The following CDC42BPA variants were observed in gnomAD, a reference collection of about 807,000 sequenced individuals.
The protein encoded by CDC42BPA is serine/threonine-protein kinase MRCK alpha.
Under a neutral mutation model 223.5 loss-of-function variants are expected in CDC42BPA, and 80 were observed. The ratio of observed to expected loss-of-function variants is 0.36; its 90% CI spans 0.30 to 0.43. The LOEUF (loss-of-function observed/expected upper bound fraction) is 0.43. Ranked by LOEUF, CDC42BPA falls within the 20% of genes least tolerant of loss-of-function variation. CDC42BPA has a pLI of 1.00. For missense variants in CDC42BPA, 1,743 were observed against 2,099.9 expected (o/e 0.83, Z 3.32); for synonymous variants, 694 against 718.6 (o/e 0.97, Z 0.55).
chr1:227,106,168 T>C (rs1685891478), intron 14 of CDC42BPA, among the ~76,000 whole-genome samples: 1 of 152,182 alleles, frequency 6.6e-6, no homozygotes, highest in Non-Finnish European at 1.5e-5. Flanking sequence ...ATTTTGGTTT[T>C]AATTTGAATT....
intron 16 of CDC42BPA, among the ~76,000 whole-genome samples, chr1:227,081,455 TC>T (rs1031307283): frequency 1.5e-5 from 2 of 133,432 alleles, no homozygotes. Context: ...GTTCTCTCTC[TC>T]TTTTTTTTTT....
chr1:226,993,524 C>G lies in CDC42BPA; in HGVS notation c.*744G>C, dbSNP rs1462172662. On this transcript the variant is annotated 3_prime_UTR_variant, in exon 37 of 37. Transcript: ENST00000366766. Reference sequence around the variant, plus strand: ...CTAGAGCCTATGACCAGTTTGAGGACAGGGCAATAAAGGGAACTCTGATTT... The same window carrying G: ...CTAGAGCCTATGACCAGTTTGAGGAGAGGGCAATAAAGGGAACTCTGATTT... The G allele has an allele frequency of 6.6e-6, 1 of 152,582 alleles. No homozygotes were observed. The highest frequency in any genetic ancestry group is 1.5e-5 in the Non-Finnish European group (1 of 68,026). 9.5% of individuals were successfully genotyped at this position (152,582 alleles called of 1,614,324 possible). A position where few individuals can be genotyped will look rare whatever the true frequency, so the allele number is the denominator to read the frequency against.
intron 35 of CDC42BPA, among the ~76,000 whole-genome samples, chr1:226,997,199 C>T (rs1030246065): frequency 3.3e-5 from 5 of 152,082 alleles, no homozygotes; most frequent in African/African-American, 1.2e-4. Context: ...GTGTATGTGT[C>T]CAGGAATTTA....
chr1:227,041,471 G>GTT (rs1326850748), intron 23 of CDC42BPA, among the ~76,000 whole-genome samples: 1 of 151,988 alleles, frequency 6.6e-6, no homozygotes, highest in East Asian at 1.9e-4. Context: ...ATTTTAAAAG[G>GTT]TTATCAAGTA....
chr1:227,219,362 C>T (rs1395868214), intron 2 of CDC42BPA: 3 of 152,192 alleles, frequency 2.0e-5, no homozygotes, highest in Admixed American at 6.5e-5. Flanking sequence ...CAGGCAGAAG[C>T]GGTGAGCCAC....
chr1:227,042,452 G>C (rs1671568814), intron 23 of CDC42BPA, among the ~76,000 whole-genome samples: 1 of 152,056 alleles, frequency 6.6e-6, no homozygotes, highest in Admixed American at 6.6e-5. Flanking sequence ...GTAGGTGCTG[G>C]TTAAATTATA....
At chr1:227,145,352 C>T (rs1558606030) in intron 8 of CDC42BPA, 137 bp downstream of exon 8, 1 of 628,474 alleles carries the variant, frequency 1.6e-6, no homozygotes, top group East Asian at 2.8e-5. Context: ...AGAATAAGCA[C>T]CAGAAGCCAT....
intron 5 of CDC42BPA, 87 bp downstream of exon 5, chr1:227,193,699 T>C (rs1003208015): frequency 5.8e-5 from 63 of 1,090,570 alleles, no homozygotes; most frequent in Non-Finnish European, 7.5e-5. Context: ...TCCAAGACCA[T>C]AATTAATAAA....
At chr1:227,216,897 T>C (rs1674956386) in intron 2 of CDC42BPA, among the ~76,000 whole-genome samples, 1 of 152,162 alleles carries the variant, frequency 6.6e-6, no homozygotes, top group African/African-American at 2.4e-5. Context: ...GTAATAATAA[T>C]TCAAGAATTA....
intron 1 of CDC42BPA, among the ~76,000 whole-genome samples, chr1:227,265,568 G>A (rs1295616347): frequency 6.6e-6 from 1 of 151,190 alleles, no homozygotes; most frequent in Non-Finnish European, 1.5e-5. Flanking sequence ...GGTGGAGGTT[G>A]CAGTGACCCA....
chr1:227,134,785 T>C (rs1658150876), intron 10 of CDC42BPA, among the ~76,000 whole-genome samples: 1 of 152,150 alleles, frequency 6.6e-6, no homozygotes, highest in Non-Finnish European at 1.5e-5. Flanking sequence ...GTGCAAACGA[T>C]ACTACACATG....
chr1:227,073,017 G>C (rs10495261), intron 19 of CDC42BPA, among the ~76,000 whole-genome samples: 10,532 of 152,046 alleles, frequency 0.069, 559 homozygotes, highest in East Asian at 0.25. Context: ...TAATCCAACA[G>C]AAGTATCATG....
chr1:227,193,227 G>A (rs1214678593), intron 5 of CDC42BPA, among the ~76,000 whole-genome samples: 3 of 90,538 alleles, frequency 3.3e-5, no homozygotes, highest in Non-Finnish European at 5.1e-5. Context: ...CCGCCACCAC[G>A]CCCGGCTAAT....
chr1:227,201,877 A>G (rs1671833605), intron 3 of CDC42BPA, among the ~76,000 whole-genome samples: 1 of 152,162 alleles, frequency 6.6e-6, no homozygotes, highest in Non-Finnish European at 1.5e-5. Context: ...TTCCAGATAC[A>G]CTAAAAACAT....
chr1:227,160,321 A>C (rs1470100604), intron 6 of CDC42BPA, among the ~76,000 whole-genome samples: 1 of 152,220 alleles, frequency 6.6e-6, no homozygotes, highest in African/African-American at 2.4e-5. Context: ...TATTTTATCA[A>C]TCTTAAGATC....
chr1:227,139,299 G>A (rs1185291242), intron 10 of CDC42BPA, among the ~76,000 whole-genome samples: 1 of 152,122 alleles, frequency 6.6e-6, no homozygotes, highest in Non-Finnish European at 1.5e-5. Flanking sequence ...ACGAAGTGAG[G>A]AGGGTCCCAT....
rs979515665 is a variant in CDC42BPA at position 227,035,968 on chromosome 1, C to T, written c.3200-361G>A. On this transcript the variant is annotated intron_variant, in intron 24 of 36. Coordinates refer to ENST00000366766, the MANE Select transcript of CDC42BPA (RefSeq NM_001394014.1). Reference sequence around the variant, plus strand: ...CATCCCACTGCAACTTGGTATCTGCCTTGAAATTTCTGTTGCAAGGGTCAC... The same window carrying T: ...CATCCCACTGCAACTTGGTATCTGCTTTGAAATTTCTGTTGCAAGGGTCAC... 2.4e-4 allele frequency among the ~76,000 whole-genome samples: 37 copies of T among 152,088 alleles called. 1 individual carries two copies. The highest frequency in any genetic ancestry group is 8.7e-4 in the African/African-American group (36 of 41,398).
At chr1:227,105,376 T>G (rs1175714792) in intron 14 of CDC42BPA, among the ~76,000 whole-genome samples, 2 of 126,872 alleles carry the variant, frequency 1.6e-5, no homozygotes, top group Non-Finnish European at 3.4e-5. Flanking sequence ...TTTTTTTTTT[T>G]TTTGAGACAG....
chr1:227,051,978 G>C lies in CDC42BPA; in HGVS notation c.2912C>G (p.Pro971Arg). The change falls in exon 22 of 37, where the codon CCC (proline) becomes CGC (arginine). Residue 971 changes from proline (P) to arginine (R), a missense_variant. By Grantham distance (103) the Pro-to-Arg change is moderately radical (BLOSUM62 -2). Around this residue, in one of 6 missense-constraint regions of CDC42BPA, gnomAD observed 678 missense variants for 777.5 expected, o/e 0.87. Transcript: ENST00000366766. ...TDALDQFETD[P>R]VENTYVWNPS... The stretch of plus-strand genomic sequence containing the variant: ...GTTCCATACATATGTGTTCTCAACG[G>C]GATCAGTCTAGGAAAATAAGTCGGG... 7.3e-7 allele frequency: 1 copy of C among 1,365,336 alleles called. No individual in the cohort carries two copies. 84.6% of individuals were successfully genotyped at this position (1,365,336 alleles called of 1,614,324 possible). A position where few individuals can be genotyped will look rare whatever the true frequency, so the allele number is the denominator to read the frequency against.
Sources: allele counts gnomAD v4.1 joint callset (sites outside exome capture counted in the v4.1 genomes callset), GRCh38; gene constraint gnomAD v4.1.1; regional missense constraint gnomAD v4.1.1; transcripts MANE v1.5; gene names NCBI Gene and HGNC (gene_info 2026-07-23, HGNC 2026-07-21).